SMYD3: variants seen among roughly 807,000 people sequenced by gnomAD.
The protein encoded by SMYD3 is SET and MYND domain containing 3, also known as histone-lysine N-methyltransferase SMYD3.
Under a neutral mutation model 57.7 loss-of-function variants are expected in SMYD3, and 36 were observed. The observed-to-expected ratio is 0.62, with a 90% CI of 0.48 to 0.82. The LOEUF (loss-of-function observed/expected upper bound fraction) is 0.82, where lower values mean the gene tolerates loss of function less well. Ranked by LOEUF, SMYD3 falls within the 40% of genes least tolerant of loss-of-function variation. The probability of loss-of-function intolerance (pLI) is 0.00; values close to 1 mark genes in which losing one functional copy is unlikely to be tolerated. For missense variants in SMYD3, 515 were observed against 538.8 expected (o/e 0.96, Z 0.44); for synonymous variants, 211 against 195.0 (o/e 1.08, Z -0.68).
At chr1:245,939,541 C>T (rs183328928) in intron 5 of SMYD3, among the ~76,000 whole-genome samples, 70 of 152,250 alleles carry the variant, frequency 4.6e-4, no homozygotes, top group Admixed American at 3.6e-3. Context: ...GCAGGGGAAT[C>T]GCTTGAACCC....
intron 10 of SMYD3, among the ~76,000 whole-genome samples, chr1:245,839,572 A>T (rs766460877): frequency 2.2e-4 from 33 of 149,150 alleles, no homozygotes; most frequent in Non-Finnish European, 4.1e-4. Context: ...GCCAAGGAGC[A>T]TAGTTTTCTG....
chr1:246,120,852 C>T (rs1266349164), intron 5 of SMYD3, among the ~76,000 whole-genome samples: 1 of 152,134 alleles, frequency 6.6e-6, no homozygotes, highest in Non-Finnish European at 1.5e-5. Context: ...TCCAGAAGGG[C>T]AGGGAGCACG....
chr1:246,124,718 G>A (rs1201034265), intron 5 of SMYD3, among the ~76,000 whole-genome samples: 2 of 152,136 alleles, frequency 1.3e-5, no homozygotes, highest in Admixed American at 1.3e-4. Context: ...AAATAACCAG[G>A]TGTGATGGCT....
intron 1 of SMYD3, among the ~76,000 whole-genome samples, chr1:246,505,507 C>T (rs1357927591): frequency 6.6e-6 from 1 of 152,098 alleles, no homozygotes; most frequent in South Asian, 2.1e-4. Flanking sequence ...TATTATCAGG[C>T]GACAGAAGTG....
chr1:246,340,476 A>G (rs2065616398), intron 2 of SMYD3, among the ~76,000 whole-genome samples: 1 of 152,140 alleles, frequency 6.6e-6, no homozygotes, highest in African/African-American at 2.4e-5. Flanking sequence ...GACAACTAAT[A>G]CAAACCACAC....
chr1:246,329,016 G>A (rs1006576011), intron 4 of SMYD3, among the ~76,000 whole-genome samples: 17 of 152,138 alleles, frequency 1.1e-4, no homozygotes, highest in African/African-American at 4.1e-4. Flanking sequence ...CAAAGGACAT[G>A]AACTCATCAT....
At chr1:246,015,359 G>A (rs6686229) in intron 5 of SMYD3, among the ~76,000 whole-genome samples, 146,900 of 152,268 alleles carry the variant, frequency 0.96, 71,096 homozygotes, top group East Asian at 1. Context: ...TCTCAGGAAA[G>A]TTTCCTTTAA....
At chr1:246,426,184 T>G (rs1202721639) in intron 1 of SMYD3, 1 of 152,214 alleles carries the variant, frequency 6.6e-6, no homozygotes, top group East Asian at 1.9e-4. Context: ...TCCATGTTAA[T>G]TTTATCATAC....
At chr1:246,068,190 TG>T (rs1572971946) in intron 5 of SMYD3, among the ~76,000 whole-genome samples, 1 of 151,658 alleles carries the variant, frequency 6.6e-6, no homozygotes, top group East Asian at 1.9e-4. Context: ...AAGTGTTTAG[TG>T]TGAAAAAATC....
Position 245,756,109 on chromosome 1 carries a change from T to C in SMYD3, c.1186-6445A>G, listed in dbSNP as rs984832609. On this transcript the variant is annotated intron_variant, in intron 11 of 11. Transcript: ENST00000490107. ...TCTTATTATTTATATATATTTTATA[T>C]ATATATACACACACATATATATGTA... 5.4e-5 allele frequency among the ~76,000 whole-genome samples: 8 copies of C among 148,508 alleles called. No homozygotes were observed. In the East Asian group the frequency reaches 1.4e-3, roughly 25 times the overall value.
chr1:246,114,294 C>T (rs886904549), intron 5 of SMYD3, among the ~76,000 whole-genome samples: 2 of 152,142 alleles, frequency 1.3e-5, no homozygotes, highest in Non-Finnish European at 2.9e-5. Context: ...GGGAAATAAA[C>T]AAAAGGACTG....
chr1:246,247,444 A>ACTCTCTCT (rs143476169), intron 5 of SMYD3, among the ~76,000 whole-genome samples: 1 of 142,842 alleles, frequency 7.0e-6, no homozygotes, highest in African/African-American at 2.6e-5. Flanking sequence ...GAGAAGGATA[A>ACTCTCTCT]CTCTCTCTCT....
At chr1:245,932,866 T>C (rs1241022112) in intron 5 of SMYD3, among the ~76,000 whole-genome samples, 2 of 152,206 alleles carry the variant, frequency 1.3e-5, no homozygotes, top group African/African-American at 4.8e-5. Flanking sequence ...CTGGATTTCA[T>C]CTATATTAGT....
chr1:246,414,034 TG>T (rs2067019002), intron 1 of SMYD3, among the ~76,000 whole-genome samples: 2 of 152,260 alleles, frequency 1.3e-5, no homozygotes, highest in South Asian at 4.1e-4. Context: ...CCAAAATTTC[TG>T]TCTGTGGGTG....
intron 3 of SMYD3, among the ~76,000 whole-genome samples, chr1:246,332,249 A>G (rs1176437065): frequency 6.6e-6 from 1 of 152,258 alleles, no homozygotes; most frequent in Non-Finnish European, 1.5e-5. Flanking sequence ...AAAGAAAATG[A>G]AAAGAGCTAC....
At chr1:246,044,418 ATG>A (rs1318560097) in intron 5 of SMYD3, among the ~76,000 whole-genome samples, 1 of 152,222 alleles carries the variant, frequency 6.6e-6, no homozygotes, top group Non-Finnish European at 1.5e-5. Flanking sequence ...CTTCAGAGAA[ATG>A]TGCACAAACT....
At chr1:246,125,794 A>G (rs2061500257) in intron 5 of SMYD3, among the ~76,000 whole-genome samples, 1 of 152,212 alleles carries the variant, frequency 6.6e-6, no homozygotes, top group Non-Finnish European at 1.5e-5. Flanking sequence ...CAATATGGCT[A>G]TGAACCTTAG....
intron 5 of SMYD3, among the ~76,000 whole-genome samples, chr1:246,216,029 C>G (rs2063158374): frequency 6.6e-6 from 1 of 152,112 alleles, no homozygotes; most frequent in East Asian, 1.9e-4. Context: ...GTGGCTCACA[C>G]TTGTAATCCC....
chr1:246,093,613 A>C (rs934076266), intron 5 of SMYD3, among the ~76,000 whole-genome samples: 1 of 152,198 alleles, frequency 6.6e-6, no homozygotes, highest in Admixed American at 6.5e-5. Flanking sequence ...TGCGAACAGT[A>C]GTGGGGGATG....
Sources: gnomAD v4.1 joint callset for allele counts (sites outside exome capture counted in the v4.1 genomes callset) on GRCh38, gnomAD v4.1.1 for gene constraint, MANE v1.5 for transcripts, NCBI Gene and HGNC (gene_info 2026-07-23, HGNC 2026-07-21) for gene names.